Variants in TRIP12 observed in about 807,000 individuals in gnomAD.
TRIP12 encodes E3 ubiquitin-protein ligase TRIP12.
TRIP12 carries 25 observed loss-of-function variants against 244.2 expected under a neutral mutation model. The observed-to-expected ratio is 0.10, with a 90% confidence interval of 0.07 to 0.14. The LOEUF (loss-of-function observed/expected upper bound fraction) is 0.14, where lower values mean the gene tolerates loss of function less well. Ranked by LOEUF, TRIP12 falls within the 10% of genes least tolerant of loss-of-function variation. The pLI is 1.00. For missense variants in TRIP12, 1,677 were observed against 2,486.4 expected (o/e 0.67, Z 6.92); for synonymous variants, 905 against 873.1 (o/e 1.04, Z -0.64).
intron 1 of TRIP12, among the ~76,000 whole-genome samples, chr2:229,912,038 G>C (rs2074386711): frequency 6.6e-6 from 1 of 152,126 alleles, no homozygotes; most frequent in Non-Finnish European, 1.5e-5. Flanking sequence ...AAAGTATTTT[G>C]AATTACAAAA....
At chr2:229,856,778 T>C (rs1019423726) in intron 4 of TRIP12, among the ~76,000 whole-genome samples, 1 of 152,180 alleles carries the variant, frequency 6.6e-6, no homozygotes, top group Non-Finnish European at 1.5e-5. Flanking sequence ...GAAGGACAAA[T>C]AGTTGGTTGT....
chr2:229,790,779 T>A (rs74001428), intron 30 of TRIP12, among the ~76,000 whole-genome samples: 7,484 of 152,234 alleles, frequency 0.049, 617 homozygotes, highest in African/African-American at 0.17. Context: ...AATAAAAAAT[T>A]AGGGGCCAAT....
chr2:229,803,253 C>T (rs952656460), intron 20 of TRIP12, among the ~76,000 whole-genome samples: 1 of 152,082 alleles, frequency 6.6e-6, no homozygotes, highest in African/African-American at 2.4e-5. Flanking sequence ...TGACATCAGC[C>T]CAGGTGTGCA....
rs796336153 is a variant in TRIP12 at position 229,906,388 on chromosome 2, GA to G, written c.-50+15491del. On this transcript the variant is annotated intron_variant, in intron 1 of 41. Transcript: ENST00000675903. ...TTCATCAGGTTTTACATCTATTTCT[GA>G]AAAAAAAAAAATAAATAAAAGACTT... 3.6e-3 allele frequency among the ~76,000 whole-genome samples: 509 copies of G among 142,602 alleles called. 5 individuals are homozygous for G. Among genetic ancestry groups the G allele is most frequent in the African/African-American group, 0.012 (460 of 38,246 alleles). The allele number at this position is 142,602 out of a possible 152,430, so 93.6% of individuals were successfully genotyped here. A position where few individuals can be genotyped will look rare whatever the true frequency, so the allele number is the denominator to read the frequency against.
At chr2:229,835,967 A>G (rs538479577) in intron 6 of TRIP12, among the ~76,000 whole-genome samples, 160 of 152,364 alleles carry the variant, frequency 1.1e-3, no homozygotes, top group African/African-American at 3.7e-3. Context: ...TTTATCATAT[A>G]AAACTAAGAA....
rs765746402 is a variant in TRIP12, at chr2:229,860,467, T to C, written c.163A>G (p.Lys55Glu). 25 of 1,612,144 alleles carry C rather than the reference T, an allele frequency of 1.6e-5. No homozygotes were observed. The highest frequency in any genetic ancestry group is 2.0e-5 in the Non-Finnish European group (24 of 1,179,422). ...GTATTAGACTGCACTTTGGGTGCCT[T>C]AGAATTAGATTTTCTACTCTCAGGA... is the stretch of plus-strand genomic sequence containing the variant. Reference protein sequence around the residue: ...SPPESRKSNSKAPKVQSNTTS... With the variant: ...SPPESRKSNSEAPKVQSNTTS... The change falls in exon 3 of 42, where the codon AAG (lysine) becomes GAG (glutamate). Residue 55 changes from lysine to glutamate, a missense_variant. By Grantham distance (56) the Lys-to-Glu change is moderately conservative (BLOSUM62 1). Coordinates refer to ENST00000675903, the MANE Select transcript of TRIP12 (RefSeq NM_001348323.3).
intron 2 of TRIP12, among the ~76,000 whole-genome samples, chr2:229,872,345 C>A (rs1452840463): frequency 1.3e-5 from 2 of 152,162 alleles, no homozygotes; most frequent in Non-Finnish European, 2.9e-5. Context: ...GGGCAGATCA[C>A]TTGAGCCCAG....
In TRIP12 at chr2:229,804,195, G is replaced by A. The variant is rs1195592039; in HGVS notation, c.2683C>T (p.Arg895Ter). The A allele has an allele frequency of 6.2e-7, 1 of 1,613,582 alleles. No homozygotes were observed. Among genetic ancestry groups the A allele is most frequent in the Admixed American group, 1.7e-5 (1 of 59,962 alleles). The change falls in exon 19 of 42, where the codon CGA becomes TGA. Residue 895 changes from arginine to a stop codon, truncating the protein, a stop_gained. Coordinates refer to ENST00000675903, the MANE Select transcript of TRIP12 (RefSeq NM_001348323.3). LOFTEE classifies it high-confidence loss of function. The part of the protein sequence containing the change: ...GYSESKKDDA[R>*]AQLMKEDPEL... Reference sequence around the variant, plus strand: ...GGATCCTCTTTCATAAGCTGTGCTCGAGCATCATCCTTCTTTGACTCTGAA... The same window carrying A: ...GGATCCTCTTTCATAAGCTGTGCTCAAGCATCATCCTTCTTTGACTCTGAA...
chr2:229,833,570 A>G (rs745712475), intron 6 of TRIP12, among the ~76,000 whole-genome samples: 2 of 152,288 alleles, frequency 1.3e-5, no homozygotes, highest in African/African-American at 2.4e-5. Context: ...TACAGGTGTG[A>G]GCTACTGCCA....
At position 229,915,137 on chromosome 2, in the gene TRIP12, G is replaced by A. The variant is rs143065165; in HGVS notation, c.-50+6743C>T. On this transcript the variant is annotated intron_variant, in intron 1 of 41. Transcript: ENST00000675903. ...GTGTGGTGGCAGGCACCTGTATCCC[G>A]GCTACTCGGGAGGCTGAGGCAGGAG... is the stretch of plus-strand genomic sequence containing the variant. Among the ~76,000 whole-genome samples, 1,461 of 151,934 alleles carry A rather than the reference G, an allele frequency of 9.6e-3. 24 individuals carry two copies. Among genetic ancestry groups the A allele is most frequent in the African/African-American group, 0.034 (1,397 of 41,430 alleles).
Position 229,840,918 on chromosome 2 carries a change from T to C in TRIP12, c.1037A>G (p.Lys346Arg), listed in dbSNP as rs2056267716. The C allele has an allele frequency of 6.2e-7, 1 of 1,601,524 alleles. No individual in the cohort carries two copies. The highest frequency in any genetic ancestry group is 1.8e-5 in the Admixed American group (1 of 56,128). Residue 346 changes from lysine (K) to arginine (R), a missense_variant, in exon 5 of 42, where the codon AAA becomes AGA. Physicochemically the swap from Lys to Arg is conservative, Grantham distance 26. Around this residue, in one of 11 missense-constraint regions of TRIP12, gnomAD observed 143 missense variants for 215.6 expected, o/e 0.66. Transcript: ENST00000675903. The stretch of plus-strand genomic sequence containing the variant: ...AGACTCACTGCGTTTCTTCGTAGAT[T>C]TTCTTAAACCTATCCACAGAAAATG... ...GLQAKLASLR[K>R]STKKRSESPP...
At chr2:229,908,988 G>T (rs1221015707) in intron 1 of TRIP12, among the ~76,000 whole-genome samples, 2 of 150,688 alleles carry the variant, frequency 1.3e-5, no homozygotes, top group Non-Finnish European at 2.9e-5. Flanking sequence ...TACTGAGGAG[G>T]CTGAGGCAGG....
At chr2:229,909,765 A>T (rs2073903287) in intron 1 of TRIP12, among the ~76,000 whole-genome samples, 1 of 152,038 alleles carries the variant, frequency 6.6e-6, no homozygotes, top group African/African-American at 2.4e-5. Context: ...AGGCAGGAGG[A>T]TCACAAGATC....
At chr2:229,846,473 C>T (rs1000907268) in intron 4 of TRIP12, among the ~76,000 whole-genome samples, 1 of 151,962 alleles carries the variant, frequency 6.6e-6, no homozygotes, top group Non-Finnish European at 1.5e-5. Context: ...TTTTTTTAGA[C>T]ACAATGCTAT....
intron 19 of TRIP12, 90 bp downstream of exon 19, chr2:229,803,909 A>G (rs1015982939): frequency 8.3e-6 from 10 of 1,203,612 alleles, no homozygotes; most frequent in African/African-American, 1.5e-5. Flanking sequence ...ATTTTTGTGC[A>G]TATTTTTTCT....
chr2:229,806,071 AATTAGACATAG>A, intron 17 of TRIP12, 188 bp from the exon 18 acceptor site: 1 of 469,140 alleles, frequency 2.1e-6, no homozygotes. Flanking sequence ...AATCATTTTT[AATTAGACATAG>A]GTTACATGCC....
rs77380244 is a variant in TRIP12, at chr2:229,766,529, A to T, written c.*1025T>A. The T allele has an allele frequency of 1.3e-5, 2 of 152,206 alleles. No homozygotes were observed. Among genetic ancestry groups the T allele is most frequent in the Non-Finnish European group, 2.9e-5 (2 of 68,032 alleles). The allele number at this position is 152,206 out of a possible 1,614,324, so 9.4% of individuals were successfully genotyped here. ...ACAAAGGCTGAACTGTTTTGTCCCA[A>T]GTCAGCACTGGGAGAAGGGGAAGAG... On this transcript the variant is annotated 3_prime_UTR_variant, in exon 42 of 42. Coordinates refer to ENST00000675903, the MANE Select transcript of TRIP12 (RefSeq NM_001348323.3).
In TRIP12 at chr2:229,815,413, CCTAA is replaced by C. The variant is rs1470248601; in HGVS notation, c.1600-109_1600-106del. On this transcript the variant is annotated intron_variant, in intron 9 of 41. Transcript: ENST00000675903. ...CTTCAACTGAAATGGAAGTATTATT[CCTAA>C]CTTTTACCACACAAAAATAACTTTA... 8.9e-6 allele frequency: 6 copies of C among 677,222 alleles called. No homozygotes were observed. The African/African-American group carries it at 9.2e-5, about 10-fold the overall frequency. 42.0% of individuals were successfully genotyped at this position (677,222 alleles called of 1,614,324 possible).
In TRIP12 at chr2:229,840,830, A is replaced by T; in HGVS notation, c.1125T>A (p.Ala375=). ...STRQKTTGSC[A]STSRRGSGLG... ...AAAAAAAAACAAATTACCTGGTACT[A>T]GCACAGGAGCCCGTGGTCTTTTGGC... Residue 375 remains alanine (A), a synonymous_variant, in exon 5 of 42, where the codon GCT becomes GCA. Transcript: ENST00000675903. The T allele has an allele frequency of 1.9e-6, 3 of 1,586,696 alleles. No homozygotes were observed. The highest frequency in any genetic ancestry group is 2.6e-6 in the Non-Finnish European group (3 of 1,172,252).
Sources: gnomAD v4.1 joint callset for allele counts (sites outside exome capture counted in the v4.1 genomes callset) on GRCh38, gnomAD v4.1.1 for gene constraint, gnomAD v4.1.1 regional missense constraint, MANE v1.5 for transcripts, NCBI Gene and HGNC (gene_info 2026-07-23, HGNC 2026-07-21) for gene names.